Variants in HNF1B observed in about 807,000 individuals in gnomAD.
HNF1B encodes HNF1 homeobox B, also known as hepatocyte nuclear factor 1-beta.
A neutral mutation model predicts 61.7 loss-of-function variants in HNF1B; 8 were observed. The observed-to-expected ratio is 0.13, with a 90% CI of 0.08 to 0.23. The LOEUF is 0.23. Among genes scored for constraint, HNF1B ranks in the 10% least tolerant of loss-of-function variants. The pLI is 1.00. For synonymous variants in HNF1B, 314 were observed against 287.7 expected (o/e 1.09, Z -0.93); for missense variants, 562 against 714.5 (o/e 0.79, Z 2.43).
chr17:37,739,061 C>G (rs1163157180), intron 2 of HNF1B, among the ~76,000 whole-genome samples: 1 of 152,108 alleles, frequency 6.6e-6, no homozygotes, highest in Non-Finnish European at 1.5e-5. Flanking sequence ...AACGAAATGT[C>G]TTCTTTGGAA....
At chr17:37,735,778 A>C (rs1049895947) in intron 2 of HNF1B, among the ~76,000 whole-genome samples, 2 of 151,976 alleles carry the variant, frequency 1.3e-5, no homozygotes, top group African/African-American at 2.4e-5. Flanking sequence ...TCTTTTTTTC[A>C]AACAAGGTCT....
chr17:37,704,757 T>C (rs2032684621), intron 6 of HNF1B, among the ~76,000 whole-genome samples, 160 bp downstream of exon 6: 1 of 152,100 alleles, frequency 6.6e-6, no homozygotes, highest in African/African-American at 2.4e-5. Context: ...AATCCAAATA[T>C]TGGATTTAAG....
In HNF1B at chr17:37,699,410, G is replaced by A. The variant is rs543350923; in HGVS notation, c.1535-216C>T. 3.3e-4 allele frequency among the ~76,000 whole-genome samples: 44 copies of A among 132,984 alleles called. 2 individuals carry two copies. In the South Asian group the frequency reaches 9.6e-3, roughly 29 times the overall value. The allele number at this position is 132,984 out of a possible 152,430, so 87.2% of individuals were successfully genotyped here. A position where few individuals can be genotyped will look rare whatever the true frequency, so the allele number is the denominator to read the frequency against. ...AGCATGTGGATGCTTGGCTGTGAGGGAGAGACCACCTGCTCTCAGAACACA... is the reference window on the plus strand; with the variant it reads ...AGCATGTGGATGCTTGGCTGTGAGGAAGAGACCACCTGCTCTCAGAACACA... On this transcript the variant is annotated intron_variant, in intron 7 of 8. Coordinates refer to ENST00000617811, the MANE Select transcript of HNF1B (RefSeq NM_000458.4).
At chr17:37,699,917 A>G (rs531025836) in intron 7 of HNF1B, among the ~76,000 whole-genome samples, 1 of 152,298 alleles carries the variant, frequency 6.6e-6, no homozygotes, top group East Asian at 1.9e-4. Context: ...AAGAAACACA[A>G]ACCTCTTTCA....
chr17:37,742,499 T>A (rs1236921059), intron 1 of HNF1B, among the ~76,000 whole-genome samples: 1 of 152,170 alleles, frequency 6.6e-6, no homozygotes, highest in Non-Finnish European at 1.5e-5. Flanking sequence ...CCCTGTGCAG[T>A]GACCTAGGAA....
At chr17:37,705,070 A>G in intron 5 of HNF1B, 21 bp from the exon 6 acceptor site, 6 of 1,610,432 alleles carry the variant, frequency 3.7e-6, no homozygotes, top group Non-Finnish European at 5.1e-6. Context: ...GAAAAAAACA[A>G]GAGAAACATG....
At chr17:37,733,328 G>A (rs1451931874) in intron 3 of HNF1B, among the ~76,000 whole-genome samples, 2 of 152,086 alleles carry the variant, frequency 1.3e-5, no homozygotes, top group East Asian at 1.9e-4. Context: ...AGGGCTTCTC[G>A]GAACCTTTAA....
Position 37,701,080 on chromosome 17 carries a change from G to A in HNF1B, c.1437C>T (p.His479=). ...LQPVQFSQQL[H]SPHQQPLMQQ... ...GCATGAGGGGCTGCTGGTGAGGGCT[G>A]TGCAGCTGCTGGGAGAACTGGACGG... Residue 479 remains histidine (H), a synonymous_variant, in exon 7 of 9, where the codon CAC becomes CAT. Coordinates refer to ENST00000617811, the MANE Select transcript of HNF1B (RefSeq NM_000458.4). 6.4e-7 allele frequency: 1 copy of A among 1,554,020 alleles called. No individual in the cohort carries two copies. Among genetic ancestry groups the A allele is most frequent in the Non-Finnish European group, 8.7e-7 (1 of 1,148,484 alleles).
In HNF1B at chr17:37,739,603, A is replaced by G. The variant is rs746789249; in HGVS notation, c.381T>C (p.Gly127=). The G allele has an allele frequency of 1.2e-6, 2 of 1,613,874 alleles. No homozygotes were observed. The highest frequency in any genetic ancestry group is 1.7e-6 in the Non-Finnish European group (2 of 1,179,940). The change falls in exon 2 of 9, where the codon GGT becomes GGC. Residue 127 remains glycine, a synonymous_variant. Transcript: ENST00000617811. ...GGGGGATGTTGTGTTGCTGCATGTAACCCTTGATCATTTTAGCAGCCCTCC... is the reference window on the plus strand; with the variant it reads ...GGGGGATGTTGTGTTGCTGCATGTAGCCCTTGATCATTTTAGCAGCCCTCC... ...DPWRAAKMIK[G]YMQQHNIPQR... is the part of the protein sequence containing the mutation.
At chr17:37,709,735 T>C (rs926220129) in intron 5 of HNF1B, among the ~76,000 whole-genome samples, 4 of 152,260 alleles carry the variant, frequency 2.6e-5, no homozygotes, top group Admixed American at 2.0e-4. Context: ...CTATTTTCTA[T>C]GGCAAACACT....
rs892963873 is a variant in HNF1B at position 37,713,704 on chromosome 17, C to T, written c.1046-3041G>A. 2.0e-5 allele frequency among the ~76,000 whole-genome samples: 3 copies of T among 152,258 alleles called. No homozygotes were observed. In the East Asian group the frequency reaches 5.8e-4, roughly 29 times the overall value. ...GCTTCCTCATCTATAAGCCAGAGGA[C>T]GGCCCACTGTGGGGAGGGGGCCATT... On this transcript the variant is annotated intron_variant, in intron 4 of 8. Coordinates refer to ENST00000617811, the MANE Select transcript of HNF1B (RefSeq NM_000458.4).
intron 4 of HNF1B, among the ~76,000 whole-genome samples, chr17:37,717,360 G>A (rs555585533): frequency 2.2e-4 from 33 of 152,324 alleles, no homozygotes; most frequent in African/African-American, 7.5e-4. Context: ...CTGGGGCTCT[G>A]TCACACACAT....
At chr17:37,704,282 T>C (rs1431475876) in intron 6 of HNF1B, among the ~76,000 whole-genome samples, 1 of 152,212 alleles carries the variant, frequency 6.6e-6, no homozygotes, top group Non-Finnish European at 1.5e-5. Context: ...CTGATCCATC[T>C]CCGTGTCTTC....
intron 6 of HNF1B, among the ~76,000 whole-genome samples, chr17:37,704,563 T>C (rs762436660): frequency 3.3e-5 from 5 of 152,252 alleles, no homozygotes; most frequent in Admixed American, 6.5e-5. Context: ...TTATACATAT[T>C]CATGCTTTAG....
At chr17:37,718,264 C>T (rs770864693) in intron 4 of HNF1B, among the ~76,000 whole-genome samples, 6 of 152,226 alleles carry the variant, frequency 3.9e-5, no homozygotes, top group Admixed American at 2.6e-4. Context: ...AACAGAAACT[C>T]TGTGTGTCCT....
At chr17:37,722,529 T>C (rs1435151276) in intron 4 of HNF1B, among the ~76,000 whole-genome samples, 4 of 152,184 alleles carry the variant, frequency 2.6e-5, no homozygotes. Context: ...GGACTGGCCA[T>C]AACCAGCTCA....
At chr17:37,727,864 T>C (rs1598836245) in intron 4 of HNF1B, among the ~76,000 whole-genome samples, 1 of 152,178 alleles carries the variant, frequency 6.6e-6, no homozygotes, top group East Asian at 1.9e-4. Context: ...CAGGTGCTGA[T>C]GTTTGGAGAG....
At chr17:37,732,727 A>G (rs1225159760) in intron 3 of HNF1B, among the ~76,000 whole-genome samples, 2 of 152,230 alleles carry the variant, frequency 1.3e-5, no homozygotes, top group Admixed American at 1.3e-4. Context: ...AATCCCAGCT[A>G]TTTAGGAGGC....
chr17:37,709,363 C>A (rs182511261), intron 5 of HNF1B, among the ~76,000 whole-genome samples: 1 of 152,160 alleles, frequency 6.6e-6, no homozygotes, highest in Non-Finnish European at 1.5e-5. Context: ...GAGCTCCCCA[C>A]CTCAGCCTCC....
Sources: allele counts gnomAD v4.1 joint callset (sites outside exome capture counted in the v4.1 genomes callset), GRCh38; gene constraint gnomAD v4.1.1; transcripts MANE v1.5; gene names NCBI Gene and HGNC (gene_info 2026-07-23, HGNC 2026-07-21).